WDR49: variants seen among roughly 807,000 people sequenced by gnomAD.
WDR49 encodes the protein cilia- and flagella-associated protein 337.
A neutral mutation model predicts 119.5 loss-of-function variants in WDR49; 107 were observed. The ratio of observed to expected loss-of-function variants is 0.90; its 90% confidence interval spans 0.77 to 1.05. The LOEUF (loss-of-function observed/expected upper bound fraction) is 1.05, where lower values mean the gene tolerates loss of function less well. Ranked by LOEUF, WDR49 falls within the 50% of genes least tolerant of loss-of-function variation. WDR49 has a pLI of 0.00. For missense variants in WDR49, 1,240 were observed against 1,220.5 expected (o/e 1.02, Z -0.24); for synonymous variants, 425 against 418.8 (o/e 1.01, Z -0.18).
chr3:167,490,416 A>C (rs1436137165), intron 18 of WDR49, among the ~76,000 whole-genome samples: 2 of 152,050 alleles, frequency 1.3e-5, no homozygotes, highest in African/African-American at 4.8e-5. Context: ...TTCATTCTGG[A>C]TGTTTAGTAT....
At chr3:167,540,160 G>A (rs926929368) in intron 10 of WDR49, among the ~76,000 whole-genome samples, 1 of 152,132 alleles carries the variant, frequency 6.6e-6, no homozygotes, top group African/African-American at 2.4e-5. Flanking sequence ...TAATCCCACT[G>A]CCTGTAACAT....
upstream of WDR49, among the ~76,000 whole-genome samples, chr3:167,655,378 C>T (rs540112668): frequency 5.9e-5 from 9 of 152,286 alleles, no homozygotes; most frequent in South Asian, 1.7e-3. Flanking sequence ...GTGCCCGTTG[C>T]ACTTTATTTT....
chr3:167,606,877 T>A (rs776184718), intron 5 of WDR49, among the ~76,000 whole-genome samples: 3 of 152,100 alleles, frequency 2.0e-5, no homozygotes, highest in Non-Finnish European at 2.9e-5. Context: ...GCACAAAAAA[T>A]TCATCTGATC....
chr3:167,547,188 C>T (rs987207590), intron 10 of WDR49, among the ~76,000 whole-genome samples: 8 of 151,658 alleles, frequency 5.3e-5, no homozygotes, highest in African/African-American at 1.9e-4. Context: ...CTTAGTAAGG[C>T]AATTATTAAG....
chr3:167,521,757 C>T (rs1752444675), intron 16 of WDR49, among the ~76,000 whole-genome samples: 1 of 152,058 alleles, frequency 6.6e-6, no homozygotes, highest in Admixed American at 6.6e-5. Flanking sequence ...AACAAAAGAA[C>T]TAAACTCCTT....
intron 5 of WDR49, among the ~76,000 whole-genome samples, chr3:167,615,240 T>A (rs1577278770): frequency 6.6e-6 from 1 of 152,084 alleles, no homozygotes; most frequent in African/African-American, 2.4e-5. Flanking sequence ...GCTCAGGTGA[T>A]CCTCCCACCC....
intron 15 of WDR49, among the ~76,000 whole-genome samples, chr3:167,524,285 T>C (rs1320573003): frequency 6.6e-6 from 1 of 152,216 alleles, no homozygotes; most frequent in Non-Finnish European, 1.5e-5. Context: ...TCCTCATAGA[T>C]TCTGGATATT....
At chr3:167,480,499 C>T (rs1335079509) in intron 18 of WDR49, among the ~76,000 whole-genome samples, 1 of 152,110 alleles carries the variant, frequency 6.6e-6, no homozygotes, top group East Asian at 1.9e-4. Context: ...CAAAAACTTT[C>T]CACTTCCAGT....
intron 7 of WDR49, among the ~76,000 whole-genome samples, chr3:167,581,742 T>A (rs1714539702): frequency 1.3e-5 from 2 of 152,230 alleles, no homozygotes; most frequent in South Asian, 4.1e-4. Context: ...GGTAGGGGTA[T>A]AAATAGATGT....
At chr3:167,608,530 C>T (rs967208518) in intron 5 of WDR49, among the ~76,000 whole-genome samples, 2 of 152,172 alleles carry the variant, frequency 1.3e-5, no homozygotes, top group Non-Finnish European at 2.9e-5. Flanking sequence ...CAACAATTCA[C>T]GCTTAATGTC....
At chr3:167,549,035 T>C (rs1712382878) in intron 10 of WDR49, among the ~76,000 whole-genome samples, 1 of 152,202 alleles carries the variant, frequency 6.6e-6, no homozygotes, top group South Asian at 2.1e-4. Flanking sequence ...TCCTTTTTTA[T>C]GGCTGCATAA....
At chr3:167,588,074 C>G (rs2108293889) in intron 7 of WDR49, among the ~76,000 whole-genome samples, 1 of 152,238 alleles carries the variant, frequency 6.6e-6, no homozygotes, top group Admixed American at 6.5e-5. Flanking sequence ...TACCCATTAA[C>G]CATACCCACT....
intron 15 of WDR49, among the ~76,000 whole-genome samples, chr3:167,526,648 C>T (rs1445495949): frequency 3.3e-5 from 5 of 152,098 alleles, no homozygotes; most frequent in Non-Finnish European, 7.4e-5. Context: ...GCTACAGCTC[C>T]GGAGTGTTAC....
At chr3:167,536,773 A>G in intron 11 of WDR49, 97 bp downstream of exon 11, 1 of 782,664 alleles carries the variant, frequency 1.3e-6, no homozygotes, top group Non-Finnish European at 1.6e-6. Flanking sequence ...ATATATATAA[A>G]ACAACTGAGA....
At chr3:167,637,691 T>C (rs1717685711) in intron 2 of WDR49, among the ~76,000 whole-genome samples, 1 of 151,840 alleles carries the variant, frequency 6.6e-6, no homozygotes, top group African/African-American at 2.4e-5. Context: ...TAGTTTTCCC[T>C]GTAGAAGTCT....
At chr3:167,481,490 GA>G in intron 18 of WDR49, among the ~76,000 whole-genome samples, 1 of 151,808 alleles carries the variant, frequency 6.6e-6, no homozygotes, top group East Asian at 1.9e-4. Flanking sequence ...ATAATAAAAT[GA>G]AAATTATAAA....
rs781257444 is a variant in WDR49 at position 167,522,495 on chromosome 3, C to T, written c.2605-11G>A. 3.7e-5 allele frequency: 59 copies of T among 1,583,926 alleles called. No homozygotes were observed. Among genetic ancestry groups the T allele is most frequent in the Middle Eastern group, 1.7e-4 (1 of 5,826 alleles). On this transcript the variant is annotated splice_polypyrimidine_tract_variant and intron_variant, in intron 15 of 18. Transcript: ENST00000682715. Reference sequence around the variant, plus strand: ...ATGCCAGTGCTTTGCCTGAAAAAAACGAAAACATCTGTTTTATTTTTATGA... The same window carrying T: ...ATGCCAGTGCTTTGCCTGAAAAAAATGAAAACATCTGTTTTATTTTTATGA...
chr3:167,558,116 G>A (rs1445325789), intron 9 of WDR49, among the ~76,000 whole-genome samples: 4 of 152,052 alleles, frequency 2.6e-5, no homozygotes, highest in African/African-American at 9.7e-5. Flanking sequence ...ATGATTGAAC[G>A]AAAATAAACA....
At chr3:167,595,201 G>C (rs369497066) in intron 7 of WDR49, among the ~76,000 whole-genome samples, 1 of 152,130 alleles carries the variant, frequency 6.6e-6, no homozygotes, top group Non-Finnish European at 1.5e-5. Flanking sequence ...ACAAACCACT[G>C]CTCAACAAAA....
Sources: gnomAD v4.1 joint callset for allele counts (sites outside exome capture counted in the v4.1 genomes callset) on GRCh38, gnomAD v4.1.1 for gene constraint, MANE v1.5 for transcripts, NCBI Gene and HGNC (gene_info 2026-07-23, HGNC 2026-07-21) for gene names.